DMBT1: variants seen among roughly 807,000 people sequenced by gnomAD.
DMBT1 encodes scavenger receptor cysteine-rich domain-containing protein DMBT1.
Under a neutral mutation model 252.9 loss-of-function variants are expected in DMBT1, and 198 were observed. The ratio of observed to expected loss-of-function variants is 0.78; its 90% CI spans 0.70 to 0.88. The LOEUF (loss-of-function observed/expected upper bound fraction) is 0.88. Among genes scored for constraint, DMBT1 ranks in the 40% least tolerant of loss-of-function variants. The pLI, the probability that DMBT1 is intolerant of heterozygous loss-of-function variation, is 0.00. For synonymous variants in DMBT1, 990 were observed against 942.7 expected (o/e 1.05, Z -0.92); for missense variants, 2,432 against 2,404.7 (o/e 1.01, Z -0.24).
rs747314121 is a variant in DMBT1, at chr10:122,633,206, G to A, written c.6413G>A (p.Gly2138Glu). The A allele has an allele frequency of 1.9e-6, 3 of 1,614,014 alleles. No homozygotes were observed. Among genetic ancestry groups the A allele is most frequent in the East Asian group, 4.5e-5 (2 of 44,880 alleles). The change falls in exon 52 of 56, where the codon GGA (glycine) becomes GAA (glutamate). Residue 2138 changes from glycine (G) to glutamate (E), a missense_variant. Coordinates refer to ENST00000338354, the MANE Select transcript of DMBT1 (RefSeq NM_001377530.1). The part of the protein sequence containing the change: ...ITRPNTDYSC[G>E]GFLSQPSGDF... ...GTCCTGACAGCAGATTATTCCTGCG[G>A]AGGCTTCCTATCCCAACCATCAGGG...
rs769540990 is a variant in DMBT1, at chr10:122,620,256, C to T, written c.5249C>T (p.Thr1750Ile). The change falls in exon 43 of 56, where the codon ACT (threonine) becomes ATT (isoleucine). Residue 1750 changes from threonine to isoleucine, a missense_variant. Physicochemically the swap from Thr to Ile is moderately conservative, Grantham distance 89. Transcript: ENST00000338354. The stretch of plus-strand genomic sequence containing the variant: ...TTCTCTTTGTTGCAATTTACAGATA[C>T]TTGGCTGACCACCAACTTACCGGCA... ...AQSQSTPRPD[T>I]WLTTNLPALT... 8.1e-6 allele frequency: 13 copies of T among 1,613,856 alleles called. No individual in the cohort carries two copies. The highest frequency in any genetic ancestry group is 1.0e-5 in the Non-Finnish European group (12 of 1,179,886).
In DMBT1 at chr10:122,565,935, G is replaced by C. The variant is rs373503123; in HGVS notation, c.62-32G>C. 7.0e-5 allele frequency: 113 copies of C among 1,611,666 alleles called. No individual in the cohort carries two copies. In the African/African-American group the frequency reaches 1.2e-3, roughly 17 times the overall value. On this transcript the variant is annotated intron_variant, in intron 1 of 55. Coordinates refer to ENST00000338354, the MANE Select transcript of DMBT1 (RefSeq NM_001377530.1). ...ACTTGTAGGAAATCATTTCTAAACAGTGTTTCTAAGACGAATTTGTGTTCT... is the reference window on the plus strand; with the variant it reads ...ACTTGTAGGAAATCATTTCTAAACACTGTTTCTAAGACGAATTTGTGTTCT...
chr10:122,624,190 G>A (rs1211193579), intron 44 of DMBT1, among the ~76,000 whole-genome samples: 19 of 152,164 alleles, frequency 1.2e-4, no homozygotes, highest in Admixed American at 1.2e-3. Flanking sequence ...GGGCACTTGA[G>A]CCCAGTGGTC....
rs1264155138 is a variant in DMBT1 at position 122,636,006 on chromosome 10, CA to C, written c.6566del (p.Asn2189ThrfsTer77). The C allele has an allele frequency of 6.2e-7, 1 of 1,613,976 alleles. No individual in the cohort carries two copies. The highest frequency in any genetic ancestry group is 1.7e-5 in the Admixed American group (1 of 60,026). On this transcript the variant is annotated frameshift_variant, in exon 53 of 56. Coordinates refer to ENST00000338354, the MANE Select transcript of DMBT1 (RefSeq NM_001377530.1). LOFTEE classifies it high-confidence loss of function. ...CTCTCTGCAGGCTTGAAGGTGGCTG[CA>C]ACTATGATTATATTGAAGTTTTCGA... ...FRDVQLEGGC[N>X]YDYIEVFDGP...
At chr10:122,592,203 G>C in intron 19 of DMBT1, 69 bp from the exon 20 acceptor site, 1 of 1,562,940 alleles carries the variant, frequency 6.4e-7, no homozygotes, top group Non-Finnish European at 8.7e-7. Flanking sequence ...AGTACCCTGA[G>C]TGTGGAACGT....
At chr10:122,633,851 T>G (rs1300596548) in intron 52 of DMBT1, among the ~76,000 whole-genome samples, 1 of 152,150 alleles carries the variant, frequency 6.6e-6, no homozygotes, top group African/African-American at 2.4e-5. Flanking sequence ...ACAACCACAC[T>G]GGCCAGGTAT....
chr10:122,598,215 G>C (rs540688628), intron 25 of DMBT1, among the ~76,000 whole-genome samples: 1 of 152,070 alleles, frequency 6.6e-6, no homozygotes, highest in Admixed American at 6.5e-5. Context: ...CTTGTCTCCC[G>C]TGGAATCCTG....
At position 122,579,864 on chromosome 10, in the gene DMBT1, C is replaced by G; in HGVS notation, c.966C>G (p.Asn322Lys). 6.2e-7 allele frequency: 1 copy of G among 1,613,862 alleles called. No individual in the cohort carries two copies. The highest frequency in any genetic ancestry group is 8.5e-7 in the Non-Finnish European group (1 of 1,179,770). Residue 322 changes from asparagine to lysine, a missense_variant, in exon 10 of 56, where the codon AAC (asparagine) becomes AAG (lysine). By Grantham distance (94) the Asn-to-Lys change is moderately conservative. Transcript: ENST00000338354. Reference protein sequence around the residue: ...SCPHNGWLTHNCGHSEDAGVI... With the variant: ...SCPHNGWLTHKCGHSEDAGVI... ...CCCACAATGGCTGGCTCACCCACAACTGTGGCCATAGTGAAGACGCTGGTG... is the reference window on the plus strand; with the variant it reads ...CCCACAATGGCTGGCTCACCCACAAGTGTGGCCATAGTGAAGACGCTGGTG...
chr10:122,597,903 C>T (rs766112207), intron 24 of DMBT1, 71 bp from the exon 25 acceptor site: 44 of 1,610,458 alleles, frequency 2.7e-5, no homozygotes, highest in South Asian at 9.9e-5. Flanking sequence ...TTGCCTTCTC[C>T]GGAGACCTTT....
chr10:122,589,709 G>A (rs925925213), intron 17 of DMBT1, among the ~76,000 whole-genome samples: 5 of 148,470 alleles, frequency 3.4e-5, no homozygotes, highest in South Asian at 4.6e-4. Context: ...AGATGGGGAG[G>A]TGGCCTGAGC....
At chr10:122,600,678 C>T (rs1030375635) in intron 27 of DMBT1, among the ~76,000 whole-genome samples, 7 of 152,186 alleles carry the variant, frequency 4.6e-5, no homozygotes, top group Non-Finnish European at 8.8e-5. Context: ...GTGTCCGAGC[C>T]TCAGCAATGG....
chr10:122,592,170 C>T, intron 19 of DMBT1, 102 bp from the exon 20 acceptor site: 1 of 1,511,084 alleles, frequency 6.6e-7, no homozygotes, highest in Non-Finnish European at 8.9e-7. Flanking sequence ...GACTGCTTGT[C>T]CAGGCGACCT....
chr10:122,601,058 T>G (rs1386010509), intron 28 of DMBT1, 35 bp downstream of exon 28: 2 of 772,902 alleles, frequency 2.6e-6, no homozygotes, highest in Non-Finnish European at 4.2e-6. Context: ...TAGGGCTCAC[T>G]GTCTCTGGAC....
chr10:122,632,051 T>C (rs1398659341), intron 50 of DMBT1, among the ~76,000 whole-genome samples, 176 bp downstream of exon 50: 4 of 152,040 alleles, frequency 2.6e-5, no homozygotes, highest in Admixed American at 2.6e-4. Context: ...CTCTCTGTGC[T>C]TCAGTGGCCT....
intron 44 of DMBT1, among the ~76,000 whole-genome samples, chr10:122,622,092 T>C (rs919972018): frequency 9.2e-5 from 14 of 152,004 alleles, no homozygotes; most frequent in Non-Finnish European, 1.0e-4. Context: ...AGGGAAAGGG[T>C]TGGTTTTGGT....
rs200590365 is a variant in DMBT1 at position 122,576,624 on chromosome 10, G to A, written c.509G>A (p.Arg170His). The change falls in exon 7 of 56, where the codon CGC (arginine) becomes CAC (histidine). Residue 170 changes from arginine to histidine, a missense_variant. Physicochemically the swap from Arg to His is conservative, Grantham distance 29. Transcript: ENST00000338354. ...GSGPIALDDV[R>H]CSGHESYLWS... ...GGACCCATTGCCCTGGATGATGTGC[G>A]CTGCTCAGGACACGAATCCTACCTG... 755 of 1,613,826 alleles carry A rather than the reference G, an allele frequency of 4.7e-4. No individual in the cohort carries two copies. The highest frequency in any genetic ancestry group is 5.1e-4 in the Non-Finnish European group (600 of 1,179,764).
intron 26 of DMBT1, among the ~76,000 whole-genome samples, chr10:122,599,429 G>C (rs1263786709): frequency 6.6e-6 from 1 of 152,224 alleles, no homozygotes; most frequent in African/African-American, 2.4e-5. Flanking sequence ...ATGCAGGACA[G>C]ACAGCAAGGC....
chr10:122,625,217 T>G (rs2133652226), intron 44 of DMBT1, 60 bp from the exon 45 acceptor site: 1 of 1,551,300 alleles, frequency 6.4e-7, no homozygotes, highest in East Asian at 2.3e-5. Flanking sequence ...CACTCAGCAT[T>G]TCTCTCGCTC....
chr10:122,572,743 T>C (rs11528747), intron 5 of DMBT1, among the ~76,000 whole-genome samples: 103,146 of 149,792 alleles, frequency 0.69, 36,087 homozygotes, highest in East Asian at 0.78. Context: ...GCAATCACTT[T>C]AGCAGCATCA....
Sources: gnomAD v4.1 joint callset for allele counts (sites outside exome capture counted in the v4.1 genomes callset) on GRCh38, gnomAD v4.1.1 for gene constraint, MANE v1.5 for transcripts, NCBI Gene and HGNC (gene_info 2026-07-23, HGNC 2026-07-21) for gene names.